Variants in SLC3A1 observed in about 807,000 individuals in gnomAD.
SLC3A1 encodes the protein amino acid transporter heavy chain SLC3A1.
SLC3A1 carries 78 observed loss-of-function variants against 60.3 expected under a neutral mutation model. That is an observed-to-expected ratio of 1.29 (90% CI 1.08 to 1.56). SLC3A1 has a LOEUF of 1.56. SLC3A1 is among the 40% of genes most tolerant of loss of function. The probability of loss-of-function intolerance (pLI) is 0.00; values close to 1 mark genes in which losing one functional copy is unlikely to be tolerated. For synonymous variants in SLC3A1, 392 were observed against 307.9 expected (o/e 1.27, Z -2.86); for missense variants, 1,172 against 858.9 (o/e 1.36, Z -4.56).
Position 44,300,533 on chromosome 2 carries a change from C to G in SLC3A1, c.1011+443C>G, listed in dbSNP as rs545850177. ...CTGACATAGAAATCCTACAAAGATACAGAAACTAGGAAAAATTTACTGAAA... is the reference window on the plus strand; with the variant it reads ...CTGACATAGAAATCCTACAAAGATAGAGAAACTAGGAAAAATTTACTGAAA... On this transcript the variant is annotated intron_variant, in intron 5 of 9. Coordinates refer to ENST00000260649, the MANE Select transcript of SLC3A1 (RefSeq NM_000341.4). Among the ~76,000 whole-genome samples the G allele has an allele frequency of 1.3e-4, 20 of 152,012 alleles. 1 individual carries two copies. In the South Asian group the frequency reaches 4.2e-3, roughly 32 times the overall value.
intron 1 of SLC3A1, among the ~76,000 whole-genome samples, chr2:44,276,889 G>T (rs1671355896): frequency 6.6e-6 from 1 of 151,822 alleles, no homozygotes; most frequent in Non-Finnish European, 1.5e-5. Context: ...TCTACTTCAA[G>T]GCAACAATAG....
Position 44,289,937 on chromosome 2 carries a change from A to AT in SLC3A1, c.891+3783dup, listed in dbSNP as rs1671704676. 4.6e-5 allele frequency among the ~76,000 whole-genome samples: 7 copies of AT among 151,090 alleles called. No individual in the cohort carries two copies. The South Asian group carries it at 1.5e-3, about 33-fold the overall frequency. ...TGAGCCACTGCGCCTGGCCCAATTT[A>AT]TTTATTTTTTTCTTTTGTTGCTTGT... On this transcript the variant is annotated intron_variant, in intron 4 of 9. Coordinates refer to ENST00000260649, the MANE Select transcript of SLC3A1 (RefSeq NM_000341.4).
chr2:44,293,072 C>T (rs891438271), intron 4 of SLC3A1, among the ~76,000 whole-genome samples: 2 of 151,878 alleles, frequency 1.3e-5, no homozygotes, highest in Non-Finnish European at 2.9e-5. Flanking sequence ...TGAGAGGAGT[C>T]CCCTGTGAAT....
chr2:44,304,001 C>T, intron 6 of SLC3A1, 142 bp from the exon 7 acceptor site: 1 of 739,596 alleles, frequency 1.4e-6, no homozygotes, highest in Admixed American at 1.9e-5. Context: ...CTTGATTATG[C>T]TTTCTAGAAG....
chr2:44,315,871 CAAAG>C (rs1672426474), intron 9 of SLC3A1, among the ~76,000 whole-genome samples: 2 of 152,012 alleles, frequency 1.3e-5, no homozygotes, highest in South Asian at 4.2e-4. Flanking sequence ...ACAAGTGCAT[CAAAG>C]AAAGAAAAGA....
At chr2:44,321,784 C>G (rs1672980755), downstream of SLC3A1, 1 of 1,613,652 alleles carries the variant, frequency 6.2e-7, no homozygotes, top group East Asian at 2.2e-5. Context: ...CAACATGTAT[C>G]TAGTTCGGGA....
At chr2:44,311,189 C>T (rs992135832) in intron 7 of SLC3A1, among the ~76,000 whole-genome samples, 1 of 152,124 alleles carries the variant, frequency 6.6e-6, no homozygotes, top group African/African-American at 2.4e-5. Context: ...TTGTCAAGTC[C>T]CTCTAGTAAA....
At chr2:44,277,946 C>T (rs1039779650) in intron 1 of SLC3A1, among the ~76,000 whole-genome samples, 1 of 150,628 alleles carries the variant, frequency 6.6e-6, no homozygotes, top group South Asian at 2.1e-4. Flanking sequence ...GGTGATTGCC[C>T]TCTCTCCTTC....
rs1056552451 is a variant in SLC3A1, at chr2:44,295,930, G to A, written c.892-4041G>A. On this transcript the variant is annotated intron_variant, in intron 4 of 9. Transcript: ENST00000260649. ...GGACCCAGGTTGCGCGGGGTCTGAA[G>A]CTGATAGTAAATTAGGGCCTTCTTA... 3.3e-5 allele frequency among the ~76,000 whole-genome samples: 5 copies of A among 152,198 alleles called. No homozygotes were observed. In the East Asian group the frequency reaches 9.6e-4, roughly 29 times the overall value.
At chr2:44,306,048 C>T (rs1317621713) in intron 7 of SLC3A1, among the ~76,000 whole-genome samples, 1 of 152,154 alleles carries the variant, frequency 6.6e-6, no homozygotes, top group Admixed American at 6.5e-5. Flanking sequence ...CCACCTCACA[C>T]GGAGGTGCTC....
At chr2:44,313,730 G>C in intron 8 of SLC3A1, 105 bp from the exon 9 acceptor site, 1 of 974,948 alleles carries the variant, frequency 1.0e-6, no homozygotes, top group Non-Finnish European at 1.7e-6. Context: ...ACAAACACTA[G>C]CTAAGAACTA....
chr2:44,282,525 C>A (rs1671523798), intron 3 of SLC3A1, among the ~76,000 whole-genome samples: 1 of 152,194 alleles, frequency 6.6e-6, no homozygotes. Flanking sequence ...CAGATCCCTC[C>A]TTTCTGGGGT....
At position 44,275,823 on chromosome 2, in the gene SLC3A1, T is replaced by G; in HGVS notation, c.288T>G (p.Ser96=). 1 of 1,614,268 alleles carries G rather than the reference T, an allele frequency of 6.2e-7. No individual in the cohort carries two copies. The highest frequency in any genetic ancestry group is 1.3e-5 in the African/African-American group (1 of 75,080). Residue 96 remains serine, a synonymous_variant, in exon 1 of 10, where the codon TCT becomes TCG. Transcript: ENST00000260649. The stretch of plus-strand genomic sequence containing the variant: ...TCCTCTTCTGGCTCACAGTGGCTTC[T>G]GTGCTGGTGCTCATCGCGGCCACCA... The part of the protein sequence containing the change: ...REILFWLTVA[S]VLVLIAATIA...
At chr2:44,314,599 C>CACA (rs1672380887) in intron 9 of SLC3A1, 1 of 157,552 alleles carries the variant, frequency 6.3e-6, no homozygotes, top group Admixed American at 6.0e-5. Flanking sequence ...CTGCCACACA[C>CACA]ACACACACAC....
At chr2:44,307,708 G>A (rs1221166168) in intron 7 of SLC3A1, among the ~76,000 whole-genome samples, 1 of 151,630 alleles carries the variant, frequency 6.6e-6, no homozygotes, top group East Asian at 1.9e-4. Context: ...TCTTTTTATT[G>A]TTTAGTTGTA....
chr2:44,291,989 G>A (rs971753321), intron 4 of SLC3A1, among the ~76,000 whole-genome samples: 5 of 152,106 alleles, frequency 3.3e-5, no homozygotes, highest in African/African-American at 1.2e-4. Flanking sequence ...GAGGTATCAG[G>A]GGTATATATT....
intron 6 of SLC3A1, chr2:44,303,754 C>A (rs374882756): frequency 1.4e-5 from 5 of 355,106 alleles, no homozygotes; most frequent in Admixed American, 4.1e-5. Flanking sequence ...TGACAGGCCC[C>A]GGTGTGTGAT....
intron 3 of SLC3A1, 55 bp downstream of exon 3, chr2:44,281,596 T>A: frequency 6.5e-7 from 1 of 1,533,764 alleles, no homozygotes; most frequent in Non-Finnish European, 9.0e-7. Flanking sequence ...ATGTAGTGAT[T>A]GAACTGATTT....
At chr2:44,306,140 G>A (rs113512254) in intron 7 of SLC3A1, among the ~76,000 whole-genome samples, 1 of 152,066 alleles carries the variant, frequency 6.6e-6, no homozygotes, top group African/African-American at 2.4e-5. Context: ...CTTATATATA[G>A]AGAGAGAGTT....
Sources: gnomAD v4.1 joint callset for allele counts (sites outside exome capture counted in the v4.1 genomes callset) on GRCh38, gnomAD v4.1.1 for gene constraint, MANE v1.5 for transcripts, NCBI Gene and HGNC (gene_info 2026-07-23, HGNC 2026-07-21) for gene names.